Variants in MYO9B observed in about 807,000 individuals in gnomAD.
MYO9B encodes the protein myosin IXB, also known as unconventional myosin-IXb.
A neutral mutation model predicts 229.5 loss-of-function variants in MYO9B; 71 were observed. The observed-to-expected ratio is 0.31, with a 90% confidence interval of 0.26 to 0.38. The LOEUF (loss-of-function observed/expected upper bound fraction) is 0.38, where lower values mean the gene tolerates loss of function less well. MYO9B is among the 10% of genes least tolerant of loss of function. The probability of loss-of-function intolerance (pLI) is 1.00; values close to 1 mark genes in which losing one functional copy is unlikely to be tolerated. For missense variants in MYO9B, 2,255 were observed against 2,920.5 expected, an observed-to-expected ratio of 0.77 and a Z score of 5.25; for synonymous variants, 1,185 against 1,235.8, an observed-to-expected ratio of 0.96 and a Z score of 0.86.
intron 8 of MYO9B, 87 bp downstream of exon 8, chr19:17,159,571 G>A: frequency 1.0e-5 from 12 of 1,179,736 alleles, no homozygotes; most frequent in Non-Finnish European, 1.5e-5. Context: ...TGGGTGGGCT[G>A]TTCTGTCCCT....
chr19:17,096,697 TTG>T (rs2057693711), intron 1 of MYO9B, among the ~76,000 whole-genome samples: 1 of 54,638 alleles, frequency 1.8e-5, no homozygotes, highest in African/African-American at 9.3e-5. Flanking sequence ...GTTGTTGTTG[TTG>T]TTGTTGGTTT....
chr19:17,112,925 TG>T (rs1054830139), intron 2 of MYO9B, among the ~76,000 whole-genome samples: 2 of 152,216 alleles, frequency 1.3e-5, no homozygotes, highest in African/African-American at 2.4e-5. Flanking sequence ...CCCCTCTCAT[TG>T]GGGGGCATTT....
intron 24 of MYO9B, 124 bp from the exon 25 acceptor site, chr19:17,200,168 AG>A: frequency 8.0e-7 from 1 of 1,255,556 alleles, no homozygotes. Flanking sequence ...CCACCATGCC[AG>A]GCCAGATCCT....
At chr19:17,127,420 A>C (rs2072136515) in intron 2 of MYO9B, among the ~76,000 whole-genome samples, 1 of 149,896 alleles carries the variant, frequency 6.7e-6, no homozygotes, top group Non-Finnish European at 1.5e-5. Flanking sequence ...TTCGCCTCCC[A>C]GGTTCAAGCG....
intron 1 of MYO9B, among the ~76,000 whole-genome samples, chr19:17,079,450 G>C (rs142690302): frequency 6.6e-6 from 1 of 152,144 alleles, no homozygotes; most frequent in South Asian, 2.1e-4. Flanking sequence ...AACTGTCCTC[G>C]TCTTAGAATG....
intron 2 of MYO9B, among the ~76,000 whole-genome samples, chr19:17,110,437 G>T (rs561629091): frequency 1.2e-3 from 185 of 152,206 alleles, no homozygotes; most frequent in African/African-American, 4.3e-3. Flanking sequence ...TCGGCCATGG[G>T]GTCTCGCCGC....
intron 2 of MYO9B, among the ~76,000 whole-genome samples, chr19:17,134,415 A>G (rs2072244078): frequency 1.2e-5 from 1 of 85,654 alleles, no homozygotes; most frequent in Non-Finnish European, 2.1e-5. Context: ...TTTTTGAGAC[A>G]GACTCTCGCT....
At chr19:17,157,515 C>T (rs189489560) in intron 7 of MYO9B, 91 of 157,450 alleles carry the variant, frequency 5.8e-4, no homozygotes, top group African/African-American at 1.7e-3. Flanking sequence ...GCCAAGATTG[C>T]GCCACTGCAC....
intron 6 of MYO9B, among the ~76,000 whole-genome samples, chr19:17,154,688 T>G (rs1190044890): frequency 6.6e-6 from 1 of 152,178 alleles, no homozygotes; most frequent in African/African-American, 2.4e-5. Flanking sequence ...AGGCTCCACG[T>G]GGCTCACTCA....
At chr19:17,105,319 CA>C (rs36000160) in intron 2 of MYO9B, among the ~76,000 whole-genome samples, 12,427 of 71,424 alleles carry the variant, frequency 0.17, 604 homozygotes, top group African/African-American at 0.22. Context: ...CTGTCTCTAC[CA>C]AAAAAAAAAA....
At chr19:17,173,315 G>C (rs2072746797) in intron 13 of MYO9B, among the ~76,000 whole-genome samples, 1 of 61,864 alleles carries the variant, frequency 1.6e-5, no homozygotes, top group African/African-American at 7.3e-5. Flanking sequence ...TTTTTTTTTA[G>C]AGACAGGGTC....
intron 18 of MYO9B, among the ~76,000 whole-genome samples, 181 bp from the exon 19 acceptor site, chr19:17,187,754 C>T (rs1277398427): frequency 6.6e-6 from 1 of 151,996 alleles, no homozygotes; most frequent in African/African-American, 2.4e-5. Flanking sequence ...AGAACACTCC[C>T]AGGTCGGCTA....
At chr19:17,137,452 C>T (rs1296179099) in intron 2 of MYO9B, among the ~76,000 whole-genome samples, 1 of 152,108 alleles carries the variant, frequency 6.6e-6, no homozygotes, top group East Asian at 1.9e-4. Flanking sequence ...TGTGGTGACC[C>T]AGTCCGCCCC....
chr19:17,173,917 G>T (rs985762678), intron 13 of MYO9B, among the ~76,000 whole-genome samples: 2 of 152,036 alleles, frequency 1.3e-5, no homozygotes, highest in Non-Finnish European at 2.9e-5. Flanking sequence ...TGAAAAGGAG[G>T]AAGGATAAAG....
In MYO9B at chr19:17,191,083, C is replaced by A; in HGVS notation, c.2689-14C>A. 1 of 1,610,362 alleles carries A rather than the reference C, an allele frequency of 6.2e-7. No homozygotes were observed. The highest frequency in any genetic ancestry group is 8.5e-7 in the Non-Finnish European group (1 of 1,178,016). ...ACTCACCTAGATTTTCCTTTCTCCA[C>A]CCAAATAACCTAGGATTTCACCGAG... On this transcript the variant is annotated splice_polypyrimidine_tract_variant and intron_variant, in intron 19 of 39. Coordinates refer to ENST00000682292, the MANE Select transcript of MYO9B (RefSeq NM_004145.4).
chr19:17,170,354 T>G (rs527302269), intron 11 of MYO9B, among the ~76,000 whole-genome samples: 34 of 152,230 alleles, frequency 2.2e-4, no homozygotes, highest in African/African-American at 6.0e-4. Flanking sequence ...TATTGTCTTA[T>G]CAGCAGCTCT....
intron 16 of MYO9B, chr19:17,184,586 C>T (rs1027601886): frequency 2.7e-6 from 1 of 370,604 alleles, no homozygotes; most frequent in Admixed American, 3.9e-5. Flanking sequence ...CACTGGCTTC[C>T]TCTCTAACCC....
intron 13 of MYO9B, among the ~76,000 whole-genome samples, chr19:17,174,326 T>C (rs1271009069): frequency 3.3e-5 from 5 of 152,014 alleles, no homozygotes; most frequent in East Asian, 2.0e-4. Flanking sequence ...CCACCACGCC[T>C]GGCCAATGAG....
In MYO9B at chr19:17,192,988, G is replaced by A; in HGVS notation, c.3054G>A (p.Arg1018=). The A allele has an allele frequency of 6.6e-7, 1 of 1,517,982 alleles. No homozygotes were observed. Among genetic ancestry groups the A allele is most frequent in the Non-Finnish European group, 8.9e-7 (1 of 1,126,874 alleles). The allele number at this position is 1,517,982 out of a possible 1,614,324, so 94.0% of individuals were successfully genotyped here. Residue 1018 remains arginine (R), a synonymous_variant, in exon 21 of 40, where the codon CGG becomes CGA. Transcript: ENST00000682292. ...LQASWRGYWQ[R]KLYRHQKQSI... ...CCTCATGGAGGGGCTACTGGCAGCG[G>A]AAGCTCTACCGGCACCAGAAACAGA...
Sources: allele counts gnomAD v4.1 joint callset (sites outside exome capture counted in the v4.1 genomes callset), GRCh38; gene constraint gnomAD v4.1.1; transcripts MANE v1.5; gene names NCBI Gene and HGNC (gene_info 2026-07-23, HGNC 2026-07-21).